RGS3: variants seen among roughly 807,000 people sequenced by gnomAD.
RGS3 encodes regulator of G-protein signalling 3.
A neutral mutation model predicts 132.6 loss-of-function variants in RGS3; 80 were observed. The ratio of observed to expected loss-of-function variants is 0.60; its 90% CI spans 0.50 to 0.73. The LOEUF (loss-of-function observed/expected upper bound fraction) is 0.73. Among genes scored for constraint, RGS3 ranks in the 30% least tolerant of loss-of-function variants. The probability of loss-of-function intolerance (pLI) is 0.00; values close to 1 mark genes in which losing one functional copy is unlikely to be tolerated. For synonymous variants in RGS3, 598 were observed against 620.6 expected, an observed-to-expected ratio of 0.96 and a Z score of 0.54; for missense variants, 1,382 against 1,530.8, an observed-to-expected ratio of 0.90 and a Z score of 1.62.
At position 113,505,491 on chromosome 9, in the gene RGS3, ACT is replaced by A; in HGVS notation, c.951_952del (p.Pro318SerfsTer28). The A allele has an allele frequency of 6.2e-7, 1 of 1,613,090 alleles. No individual in the cohort carries two copies. Among genetic ancestry groups the A allele is most frequent in the Non-Finnish European group, 8.5e-7 (1 of 1,179,804 alleles). On this transcript the variant is annotated frameshift_variant, in exon 11 of 25. Transcript: ENST00000350696. LOFTEE classifies it high-confidence loss of function. Reference sequence around the variant, plus strand: ...GGCTTTGGCTTCACCATCTGCTGCGACTCTCCAGTTCGAGTCCAGGCCGTGGA... The same window carrying A: ...GGCTTTGGCTTCACCATCTGCTGCGACTCCAGTTCGAGTCCAGGCCGTGGA...
intron 8 of RGS3, 34 bp downstream of exon 6, chr9:113,495,880 C>T (rs1830667563): frequency 6.3e-7 from 1 of 1,577,684 alleles, no homozygotes; most frequent in Admixed American, 1.7e-5. Context: ...CAGGATCATC[C>T]CAACTGGGCC....
chr9:113,572,492 T>C (rs1339563175), intron 19 of RGS3, among the ~76,000 whole-genome samples: 2 of 151,890 alleles, frequency 1.3e-5, no homozygotes, highest in Non-Finnish European at 2.9e-5. Flanking sequence ...CACTCCAGTG[T>C]CCTCGAGTGA....
chr9:113,497,275 C>A, intron 8 of RGS3, 39 bp from the exon 7 acceptor site: 1 of 1,535,542 alleles, frequency 6.5e-7, no homozygotes, highest in Non-Finnish European at 9.0e-7. Flanking sequence ...GTGCTTCTGC[C>A]TCCTGTGTCT....
chr9:113,465,777 G>A (rs1829620610), intron 3 of RGS3, among the ~76,000 whole-genome samples: 1 of 152,124 alleles, frequency 6.6e-6, no homozygotes, highest in African/African-American at 2.4e-5. Flanking sequence ...GCAGACAGGA[G>A]CCTGGGTGGG....
rs569281268 is a variant in RGS3, at chr9:113,479,268, C to G, written c.416-223C>G. 54 of 581,104 alleles carry G rather than the reference C, an allele frequency of 9.3e-5. No homozygotes were observed. The Middle Eastern group carries it at 2.2e-3, about 24-fold the overall frequency. The allele number at this position is 581,104 out of a possible 1,614,324, so 36.0% of individuals were successfully genotyped here. On this transcript the variant is annotated intron_variant, in intron 3 of 24. Coordinates refer to ENST00000350696, the Ensembl canonical transcript of RGS3. ...CTCCCCATCACCAGAGGGGCACAAGCAAGGCTAGAGAACCACTGCTGGAGG... is the reference window on the plus strand; with the variant it reads ...CTCCCCATCACCAGAGGGGCACAAGGAAGGCTAGAGAACCACTGCTGGAGG...
rs555065018 is a variant in RGS3 at position 113,463,366 on chromosome 9, T to C, written c.415+1165T>C. Reference sequence around the variant, plus strand: ...GGATCTAATGATTATAGGCCTGAGCTTCAAAGCAGGTTATAAACCCGACTA... The same window carrying C: ...GGATCTAATGATTATAGGCCTGAGCCTCAAAGCAGGTTATAAACCCGACTA... On this transcript the variant is annotated intron_variant, in intron 3 of 24. Transcript: ENST00000350696. The surrounding 1 kb of genome is among the most constrained non-coding windows in gnomAD (Gnocchi z 4.6). Among the ~76,000 whole-genome samples, 2 of 152,312 alleles carry C rather than the reference T, an allele frequency of 1.3e-5. No homozygotes were observed. The highest frequency in any genetic ancestry group is 4.1e-4 in the South Asian group (2 of 4,826).
In RGS3 at chr9:113,462,202, G is replaced by T. The variant is rs1357919257; in HGVS notation, c.415+1G>T. 5.0e-6 allele frequency: 8 copies of T among 1,585,524 alleles called. No individual in the cohort carries two copies. The highest frequency in any genetic ancestry group is 2.3e-5 in the East Asian group (1 of 42,802). ...ACGCATGCCAAAGTCCAGGGTGCAG[G>T]TAAGTCCATCTGTCACTGGCTTGAG... On this transcript the variant is annotated splice_donor_variant, in intron 3 of 24. Transcript: ENST00000350696. LOFTEE classifies it high-confidence loss of function.
rs185668592 is a variant in RGS3, at chr9:113,549,111, C to T, written c.2037+12193C>T. ...CAGTGGCTCAGGACCTTTCCCTGCC[C>T]CTCCCCAGGAACAAGCAGAGGCAGC... On this transcript the variant is annotated intron_variant, in intron 19 of 24. Transcript: ENST00000350696. Among the ~76,000 whole-genome samples the T allele has an allele frequency of 1.4e-4, 22 of 152,320 alleles. No individual in the cohort carries two copies. The East Asian group carries it at 4.1e-3, about 28-fold the overall frequency.
At chr9:113,541,250 C>G in intron 19 of RGS3, 3 of 1,522,930 alleles carry the variant, frequency 2.0e-6, no homozygotes, top group Non-Finnish European at 2.7e-6. Context: ...GGAACAGAGG[C>G]AGGTCCTGCA....
chr9:113,541,400 C>T, intron 19 of RGS3: 1 of 1,613,878 alleles, frequency 6.2e-7, no homozygotes, highest in Non-Finnish European at 8.5e-7. Context: ...GAAGCTTTAC[C>T]TCACCAGGAC....
chr9:113,590,683 A>G (rs1835376042), intron 20 of RGS3, among the ~76,000 whole-genome samples: 1 of 152,086 alleles, frequency 6.6e-6, no homozygotes, highest in African/African-American at 2.4e-5. Flanking sequence ...GTTGGAAGGC[A>G]GAGTTGAGGA....
At chr9:113,535,222 G>A (rs1041032461) in intron 18 of RGS3, among the ~76,000 whole-genome samples, 3 of 151,902 alleles carry the variant, frequency 2.0e-5, no homozygotes, top group African/African-American at 7.3e-5. Flanking sequence ...CACCCAGGCT[G>A]GGGTACAGTG....
chr9:113,503,429 C>A (rs920797329), intron 10 of RGS3: 1 of 152,582 alleles, frequency 6.6e-6, no homozygotes, highest in African/African-American at 2.4e-5. Flanking sequence ...TGCCTCCCGG[C>A]ACCCTCTCCT....
chr9:113,472,654 G>T (rs560812654), intron 3 of RGS3, among the ~76,000 whole-genome samples: 12 of 152,310 alleles, frequency 7.9e-5, no homozygotes, highest in Admixed American at 3.9e-4. Flanking sequence ...AAGAGTATGG[G>T]ATTTCTTTTA....
intron 17 of RGS3, among the ~76,000 whole-genome samples, chr9:113,526,081 T>C (rs1163836627): frequency 6.6e-6 from 1 of 152,230 alleles, no homozygotes; most frequent in Non-Finnish European, 1.5e-5. Context: ...CTGCCTCTGC[T>C]GCCCGCTAGC....
At chr9:113,552,102 ATAT>A (rs1833362800) in intron 19 of RGS3, among the ~76,000 whole-genome samples, 1 of 152,186 alleles carries the variant, frequency 6.6e-6, no homozygotes, top group South Asian at 2.1e-4. Flanking sequence ...GGATTATATA[ATAT>A]TCACTTTTTT....
intron 17 of RGS3, 145 bp downstream of exon 15, chr9:113,523,186 T>C (rs758151803): frequency 4.8e-6 from 3 of 622,004 alleles, no homozygotes; most frequent in Non-Finnish European, 8.7e-6. Flanking sequence ...CTAGTAGGTC[T>C]CAGACACTGG....
chr9:113,505,908 A>G (rs1305975537), intron 11 of RGS3, among the ~76,000 whole-genome samples: 1 of 152,176 alleles, frequency 6.6e-6, no homozygotes, highest in Non-Finnish European at 1.5e-5. Context: ...CCTACTTTTC[A>G]CAAATGAAGA....
chr9:113,468,016 G>GT (rs1829706548), intron 3 of RGS3, among the ~76,000 whole-genome samples: 1 of 152,218 alleles, frequency 6.6e-6, no homozygotes, highest in Non-Finnish European at 1.5e-5. Context: ...ATGAACCACT[G>GT]TGTCCAGCCA....
Sources: allele counts gnomAD v4.1 joint callset (sites outside exome capture counted in the v4.1 genomes callset), GRCh38; gene constraint gnomAD v4.1.1; non-coding constraint Gnocchi (gnomAD v3.1); transcripts MANE v1.5; gene names NCBI Gene and HGNC (gene_info 2026-07-23, HGNC 2026-07-21).